Variants in TMEM19 observed in about 807,000 individuals in gnomAD.
TMEM19 encodes transmembrane protein 19.
TMEM19 carries 21 observed loss-of-function variants against 33.6 expected under a neutral mutation model. The ratio of observed to expected loss-of-function variants is 0.62; its 90% CI spans 0.44 to 0.90. TMEM19 has a LOEUF of 0.90. TMEM19 is among the 40% of genes least tolerant of loss of function. The pLI, the probability that TMEM19 is intolerant of heterozygous loss-of-function variation, is 0.00. For missense variants in TMEM19, 402 were observed against 401.8 expected (o/e 1.00, Z 0.00); for synonymous variants, 149 against 147.5 (o/e 1.01, Z -0.07).
At chr12:71,696,370 ATT>A (rs1881870577) in intron 2 of TMEM19, 64 bp from the exon 3 acceptor site, 2 of 1,309,858 alleles carry the variant, frequency 1.5e-6, no homozygotes, top group Non-Finnish European at 2.0e-6. Context: ...GAAAAAATCC[ATT>A]CTTTTTTCAC....
intron 2 of TMEM19, chr12:71,690,496 A>G (rs936181391): frequency 3.3e-5 from 5 of 152,166 alleles, no homozygotes; most frequent in African/African-American, 1.2e-4. Context: ...GGTATGTACT[A>G]CTGTTCTAAA....
At position 71,702,082 on chromosome 12, in the gene TMEM19, T is replaced by G. The variant is rs1378952607; in HGVS notation, c.*1087T>G. On this transcript the variant is annotated 3_prime_UTR_variant, in exon 6 of 6. Transcript: ENST00000266673. ...TTCTGTACCTTCTTCCTCCTGCCCC[T>G]TTTGCTTTTTTAAAGAAACTGGGGA... 6.6e-6 allele frequency: 1 copy of G among 152,198 alleles called. No individual in the cohort carries two copies. The highest frequency in any genetic ancestry group is 2.4e-5 in the African/African-American group (1 of 41,444). 9.4% of individuals were successfully genotyped at this position (152,198 alleles called of 1,614,324 possible). A position where few individuals can be genotyped will look rare whatever the true frequency, so the allele number is the denominator to read the frequency against.
chr12:71,701,100 G>T lies in TMEM19; in HGVS notation c.*105G>T. On this transcript the variant is annotated 3_prime_UTR_variant, in exon 6 of 6. Coordinates refer to ENST00000266673, the MANE Select transcript of TMEM19 (RefSeq NM_018279.4). ...CTGTAATGGCAAAGCGGAAATGCCA[G>T]TTCCTCCTGTATTCCATTGAGATGG... 1 of 1,174,316 alleles carries T rather than the reference G, an allele frequency of 8.5e-7. No homozygotes were observed. The highest frequency in any genetic ancestry group is 1.2e-6 in the Non-Finnish European group (1 of 858,302). 72.7% of individuals were successfully genotyped at this position (1,174,316 alleles called of 1,614,324 possible).
intron 1 of TMEM19, among the ~76,000 whole-genome samples, chr12:71,687,118 G>C (rs1159726635): frequency 1.3e-5 from 2 of 151,718 alleles, no homozygotes; most frequent in Non-Finnish European, 2.9e-5. Flanking sequence ...TCCCACCTGT[G>C]TCTCCCAAAG....
At position 71,704,870 on chromosome 12, in the gene TMEM19, T is replaced by C. The variant is rs940734329; in HGVS notation, c.*3875T>C. 1.3e-5 allele frequency: 2 copies of C among 152,218 alleles called. No homozygotes were observed. The highest frequency in any genetic ancestry group is 2.4e-5 in the African/African-American group (1 of 41,458). 9.4% of individuals were successfully genotyped at this position (152,218 alleles called of 1,614,324 possible). ...ATGTGGCTTAATTATTTAATCTCCT[T>C]TATGGAGTATCTGTTTTTATAACTC... On this transcript the variant is annotated 3_prime_UTR_variant, in exon 6 of 6. Transcript: ENST00000266673.
chr12:71,689,679 T>C lies in TMEM19; in HGVS notation c.219T>C (p.Ser73=), dbSNP rs1347555589. 1 of 1,613,882 alleles carries C rather than the reference T, an allele frequency of 6.2e-7. No homozygotes were observed. Residue 73 remains serine (S), a synonymous_variant, in exon 2 of 6, where the codon AGT becomes AGC. Transcript: ENST00000266673. ...LIVSNGLKKK[S]LDHSGALGGL... ...TCTCTAATGGCCTTAAAAAGAAAAG[T>C]CTAGATCACAGTGGGGCTCTAGGAG...
intron 3 of TMEM19, 150 bp downstream of exon 3, chr12:71,696,723 T>A: frequency 3.2e-6 from 2 of 633,188 alleles, no homozygotes; most frequent in Non-Finnish European, 4.9e-6. Context: ...CTCGGCTCGC[T>A]GTAAGCTCCG....
In TMEM19 at chr12:71,703,107, G is replaced by A. The variant is rs1464396226; in HGVS notation, c.*2112G>A. ...CAGGAGAATCGCTGGAACCTGGGAT[G>A]TGGAGGTTGCAGTGAGCCAAGATTG... On this transcript the variant is annotated 3_prime_UTR_variant, in exon 6 of 6. Coordinates refer to ENST00000266673, the MANE Select transcript of TMEM19 (RefSeq NM_018279.4). 6.9e-6 allele frequency: 1 copy of A among 144,484 alleles called. No homozygotes were observed. The highest frequency in any genetic ancestry group is 1.5e-5 in the Non-Finnish European group (1 of 66,448). 9.0% of individuals were successfully genotyped at this position (144,484 alleles called of 1,614,324 possible).
rs1882001489 is a variant in TMEM19 at position 71,702,738 on chromosome 12, T to C, written c.*1743T>C. The C allele has an allele frequency of 2.0e-5, 3 of 152,180 alleles. 1 individual carries two copies. In the South Asian group the frequency reaches 6.2e-4, roughly 31 times the overall value. The allele number at this position is 152,180 out of a possible 1,614,324, so 9.4% of individuals were successfully genotyped here. On this transcript the variant is annotated 3_prime_UTR_variant, in exon 6 of 6. Transcript: ENST00000266673. ...AAAGCTCTGACTGTACATTGAATCA[T>C]CATGTAAGGAGTTTTTAAAACATTG... is the stretch of plus-strand genomic sequence containing the variant.
Position 71,686,202 on chromosome 12 carries a change from G to A in TMEM19, c.-479G>A, listed in dbSNP as rs1881682082. The A allele has an allele frequency of 5.3e-6, 1 of 187,582 alleles. No individual in the cohort carries two copies. Among genetic ancestry groups the A allele is most frequent in the South Asian group, 8.6e-5 (1 of 11,620 alleles). 11.6% of individuals were successfully genotyped at this position (187,582 alleles called of 1,614,324 possible). On this transcript the variant is annotated 5_prime_UTR_variant, in exon 1 of 6. It adds an upstream start codon to the 5' untranslated region. Transcript: ENST00000266673. ...GGGCGGCTTGCGCAGCTGTCGGGAC[G>A]TGACTGCGTTCAGCCGCGTCGGGCG...
chr12:71,703,936 T>C lies in TMEM19; in HGVS notation c.*2941T>C, dbSNP rs1418017441. The C allele has an allele frequency of 7.2e-6, 3 of 416,324 alleles. No individual in the cohort carries two copies. Among genetic ancestry groups the C allele is most frequent in the South Asian group, 1.7e-5 (1 of 58,228 alleles). 25.8% of individuals were successfully genotyped at this position (416,324 alleles called of 1,614,324 possible). On this transcript the variant is annotated 3_prime_UTR_variant, in exon 6 of 6. Transcript: ENST00000266673. ...GTATTTTACTGTAACATCTTTTGAATTGGATATTTAACTAATTCAACATAT... is the reference window on the plus strand; with the variant it reads ...GTATTTTACTGTAACATCTTTTGAACTGGATATTTAACTAATTCAACATAT...
chr12:71,698,607 A>AAGAGAGAGAGAGAG (rs71068787), intron 4 of TMEM19, among the ~76,000 whole-genome samples: 1 of 121,232 alleles, frequency 8.2e-6, no homozygotes, highest in African/African-American at 3.3e-5. Context: ...TGTCTCTGAA[A>AAGAGAGAGAGAGAG]AGAGAGAGAG....
chr12:71,697,247 A>C (rs771229054), intron 3 of TMEM19, 33 bp from the exon 4 acceptor site: 1 of 1,558,842 alleles, frequency 6.4e-7, no homozygotes, highest in East Asian at 2.4e-5. Flanking sequence ...AGGAGGAATC[A>C]TTTGTTTGTC....
intron 2 of TMEM19, among the ~76,000 whole-genome samples, chr12:71,694,448 T>C (rs1304221268): frequency 6.6e-6 from 1 of 152,132 alleles, no homozygotes; most frequent in Non-Finnish European, 1.5e-5. Context: ...GTACCCAGAG[T>C]TGATTAGAGC....
intron 1 of TMEM19, among the ~76,000 whole-genome samples, chr12:71,688,495 C>T (rs1881729983): frequency 6.6e-6 from 1 of 152,216 alleles, no homozygotes; most frequent in Admixed American, 6.5e-5. Flanking sequence ...TCCCAAAGTG[C>T]TGGGATTACA....
chr12:71,687,774 G>A (rs1881718446), intron 1 of TMEM19, among the ~76,000 whole-genome samples: 1 of 152,182 alleles, frequency 6.6e-6, no homozygotes. Context: ...GTGCTTTAGA[G>A]CATAAGCCTC....
intron 4 of TMEM19, among the ~76,000 whole-genome samples, chr12:71,698,223 C>T (rs1384598364): frequency 6.6e-6 from 1 of 152,148 alleles, no homozygotes; most frequent in Non-Finnish European, 1.5e-5. Flanking sequence ...TATCCCCCAT[C>T]ATCACCTTCT....
At chr12:71,699,207 C>T in intron 5 of TMEM19, 98 bp downstream of exon 5, 1 of 1,348,914 alleles carries the variant, frequency 7.4e-7, no homozygotes, top group East Asian at 2.4e-5. Context: ...TCCAAAGACA[C>T]AGGGTGTTGA....
At chr12:71,690,971 C>T (rs747571225) in intron 2 of TMEM19, among the ~76,000 whole-genome samples, 12 of 152,192 alleles carry the variant, frequency 7.9e-5, no homozygotes, top group Non-Finnish European at 1.3e-4. Flanking sequence ...AACTGTTGTA[C>T]TCTTTTTCTT....
Sources: gnomAD v4.1 joint callset for allele counts (sites outside exome capture counted in the v4.1 genomes callset) on GRCh38, gnomAD v4.1.1 for gene constraint, MANE v1.5 for transcripts, NCBI Gene and HGNC (gene_info 2026-07-23, HGNC 2026-07-21) for gene names.